The following SIK3 variants were observed in gnomAD, a reference collection of about 807,000 sequenced individuals.
SIK3 encodes serine/threonine-protein kinase SIK3.
SIK3 carries 28 observed loss-of-function variants against 144.2 expected under a neutral mutation model. The observed-to-expected ratio is 0.19, with a 90% CI of 0.14 to 0.27. The LOEUF is 0.27. SIK3 is among the 10% of genes least tolerant of loss of function. The pLI is 1.00. For synonymous variants in SIK3, 686 were observed against 676.3 expected (o/e 1.01, Z -0.22); for missense variants, 1,319 against 1,776.0 (o/e 0.74, Z 4.62).
chr11:116,928,886 A>C (rs1947434752), intron 3 of SIK3, among the ~76,000 whole-genome samples: 1 of 152,234 alleles, frequency 6.6e-6, no homozygotes, highest in Admixed American at 6.5e-5. Context: ...TCCCTCAAAA[A>C]TACAAGTCAT....
chr11:116,922,907 CTTTTTTTTTTTTT>C (rs202058609), intron 4 of SIK3, among the ~76,000 whole-genome samples: 4 of 102,176 alleles, frequency 3.9e-5, no homozygotes, highest in Admixed American at 2.2e-4. Flanking sequence ...TTTCTTTTCT[CTTTTTTTTTTTTT>C]TTTTTTTTTT....
At chr11:116,895,278 G>A (rs756636449) in intron 6 of SIK3, among the ~76,000 whole-genome samples, 34 of 152,152 alleles carry the variant, frequency 2.2e-4, no homozygotes, top group Non-Finnish European at 3.8e-4. Flanking sequence ...GCTCTTCCCC[G>A]GACTGCACAG....
intron 1 of SIK3, among the ~76,000 whole-genome samples, chr11:117,034,959 G>T (rs1952429761): frequency 6.6e-6 from 1 of 152,156 alleles, no homozygotes; most frequent in Non-Finnish European, 1.5e-5. Context: ...TGTAACATAA[G>T]GTTGTGATGT....
At chr11:117,021,959 A>AAAAAAAAAAAC (rs1565565812) in intron 1 of SIK3, among the ~76,000 whole-genome samples, 6 of 141,468 alleles carry the variant, frequency 4.2e-5, no homozygotes, top group East Asian at 2.1e-4. Flanking sequence ...AAAAAAAAAA[A>AAAAAAAAAAAC]AACCTAAAAA....
intron 1 of SIK3, among the ~76,000 whole-genome samples, chr11:117,024,317 TAA>T (rs201592688): frequency 0.075 from 9,907 of 131,964 alleles, 394 homozygotes; most frequent in Middle Eastern, 0.12. Context: ...ACACAGTCTT[TAA>T]AAAAAAAAAA....
At chr11:117,083,496 G>A (rs1228370073) in intron 1 of SIK3, among the ~76,000 whole-genome samples, 1 of 152,066 alleles carries the variant, frequency 6.6e-6, no homozygotes, top group East Asian at 1.9e-4. Flanking sequence ...CATTTGACTA[G>A]AATAACAATA....
At chr11:116,908,099 A>G (rs901890199) in intron 4 of SIK3, among the ~76,000 whole-genome samples, 4 of 152,234 alleles carry the variant, frequency 2.6e-5, no homozygotes, top group Non-Finnish European at 5.9e-5. Context: ...ACTTCGTTAC[A>G]TTAGAATTAT....
intron 4 of SIK3, among the ~76,000 whole-genome samples, chr11:116,904,127 T>G (rs1945888523): frequency 6.6e-6 from 1 of 152,184 alleles, no homozygotes; most frequent in African/African-American, 2.4e-5. Flanking sequence ...TAGCAATGTG[T>G]TAGATCTTCT....
In SIK3 at chr11:116,897,186, T is replaced by C. The variant is rs1945456742; in HGVS notation, c.741+7A>G. On this transcript the variant is annotated splice_region_variant and intron_variant, in intron 5 of 24. Transcript: ENST00000445177. ...GCTGTGGGGTATAAGAGAAGGCAGT[T>C]ACTTACCCAGATGTCCACTTTGGGC... is the stretch of plus-strand genomic sequence containing the variant. The C allele has an allele frequency of 1.2e-6, 2 of 1,613,482 alleles. No individual in the cohort carries two copies. Among genetic ancestry groups the C allele is most frequent in the African/African-American group, 2.7e-5 (2 of 74,892 alleles).
chr11:117,042,338 T>C (rs1303308119), intron 1 of SIK3, among the ~76,000 whole-genome samples: 1 of 152,228 alleles, frequency 6.6e-6, no homozygotes, highest in Non-Finnish European at 1.5e-5. Flanking sequence ...TGAAATACGC[T>C]AGTAAACGCA....
rs76305476 is a variant in SIK3 at position 116,983,707 on chromosome 11, T to C, written c.274-26643A>G. Among the ~76,000 whole-genome samples, 655 of 151,802 alleles carry C rather than the reference T, an allele frequency of 4.3e-3. 13 individuals carry two copies. The East Asian group carries it at 0.049, about 11-fold the overall frequency. On this transcript the variant is annotated intron_variant, in intron 1 of 24. Coordinates refer to ENST00000445177, the MANE Select transcript of SIK3 (RefSeq NM_001366686.3). ...CTAACTTCTGCCCCGATACTTCACA[T>C]GTTTTAAACACTATTGGGAGCTGTG...
At position 116,882,131 on chromosome 11, in the gene SIK3, T is replaced by C. The variant is rs1202810123; in HGVS notation, c.866-5089A>G. ...CATCATGACAGAATCACCCACAAGC[T>C]AGGTTAGTACAAAATGGGCCAGGCA... On this transcript the variant is annotated intron_variant, in intron 6 of 24. Coordinates refer to ENST00000445177, the MANE Select transcript of SIK3 (RefSeq NM_001366686.3). Among the ~76,000 whole-genome samples the C allele has an allele frequency of 2.6e-5, 4 of 152,138 alleles. No individual in the cohort carries two copies. The East Asian group carries it at 5.8e-4, about 22-fold the overall frequency.
chr11:116,984,318 T>C (rs1449215754), intron 1 of SIK3, among the ~76,000 whole-genome samples: 1 of 152,120 alleles, frequency 6.6e-6, no homozygotes, highest in South Asian at 2.1e-4. Flanking sequence ...GAACAAACCA[T>C]TTATTGTTAT....
intron 3 of SIK3, among the ~76,000 whole-genome samples, chr11:116,936,323 G>A (rs1343067163): frequency 2.6e-5 from 4 of 152,028 alleles, no homozygotes; most frequent in Non-Finnish European, 5.9e-5. Context: ...GGGACAACAG[G>A]TGCCACCATG....
intron 1 of SIK3, among the ~76,000 whole-genome samples, chr11:116,969,503 T>C (rs1949692592): frequency 6.6e-6 from 1 of 151,864 alleles, no homozygotes; most frequent in Non-Finnish European, 1.5e-5. Context: ...AAAGTCTTTG[T>C]GCAACTTTCC....
Position 116,858,457 on chromosome 11 carries a change from G to A in SIK3, c.3008C>T (p.Thr1003Met), listed in dbSNP as rs751117002. 1.4e-5 allele frequency: 23 copies of A among 1,604,706 alleles called. No individual in the cohort carries two copies. The highest frequency in any genetic ancestry group is 1.7e-4 in the Middle Eastern group (1 of 6,044). Residue 1003 changes from threonine to methionine, a missense_variant, in exon 21 of 25, where the codon ACG (threonine) becomes ATG (methionine). By Grantham distance (81) the Thr-to-Met change is moderately conservative (BLOSUM62 -1). This residue lies in a region of SIK3 where 646 missense variants were observed against 763.7 expected (regional missense o/e 0.85). Transcript: ENST00000445177. This position sits in a 1 kb window ranked among gnomAD's most constrained non-coding sequence, Gnocchi z 5.4. The stretch of plus-strand genomic sequence containing the variant: ...CTGGTGTCTTGTATAGTCTGGCGGC[G>A]TGGGAGACAGCAGGGCCTGCTGTAG... The part of the protein sequence containing the change: ...SALQQALLSP[T>M]PPDYTRHQQV...
rs1943308249 is a variant in SIK3, at chr11:116,861,301, T to C, written c.2398A>G (p.Met800Val). The C allele has an allele frequency of 3.8e-6, 6 of 1,594,478 alleles. No homozygotes were observed. The highest frequency in any genetic ancestry group is 1.9e-5 in the Admixed American group (1 of 53,618). ...FRQPSNSPPP[M>V]SSAMIQPHGA... is the part of the protein sequence containing the mutation. ...TGAGGCTGGATCATGGCACTGCTCA[T>C]GGGGGGAGGACTATTACTGGGCTGC... is the stretch of plus-strand genomic sequence containing the variant. The change falls in exon 19 of 25, where the codon ATG (methionine) becomes GTG (valine). Residue 800 changes from methionine to valine, a missense_variant. Met to Val is a conservative substitution (Grantham distance 21). Coordinates refer to ENST00000445177, the MANE Select transcript of SIK3 (RefSeq NM_001366686.3).
intron 3 of SIK3, among the ~76,000 whole-genome samples, chr11:116,933,076 T>C (rs944220079): frequency 1.3e-5 from 2 of 152,086 alleles, no homozygotes; most frequent in African/African-American, 2.4e-5. Context: ...TGGCCTGATA[T>C]TTTTAGTCAC....
intron 1 of SIK3, among the ~76,000 whole-genome samples, chr11:116,974,822 A>G (rs2513091): frequency 0.057 from 8,617 of 152,238 alleles, 523 homozygotes; most frequent in African/African-American, 0.15. Flanking sequence ...CGGTTTTCTC[A>G]ATTGTATTTT....
Sources: allele counts gnomAD v4.1 joint callset (sites outside exome capture counted in the v4.1 genomes callset), GRCh38; gene constraint gnomAD v4.1.1; regional missense constraint gnomAD v4.1.1; non-coding constraint Gnocchi (gnomAD v3.1); transcripts MANE v1.5; gene names NCBI Gene and HGNC (gene_info 2026-07-23, HGNC 2026-07-21).